GALNT13: variants seen among roughly 807,000 people sequenced by gnomAD.
The protein encoded by GALNT13 is UDP-GalNAc:polypeptide N-acetylgalactosaminyltransferase 13.
A neutral mutation model predicts 64.2 loss-of-function variants in GALNT13; 28 were observed. The observed-to-expected ratio is 0.44, with a 90% CI of 0.32 to 0.60. The LOEUF is 0.60. GALNT13 is among the 20% of genes least tolerant of loss of function. The pLI is 0.05. For missense variants in GALNT13, 577 were observed against 669.8 expected (o/e 0.86, Z 1.53); for synonymous variants, 214 against 224.6 (o/e 0.95, Z 0.42).
rs549084587 is a variant in GALNT13, at chr2:154,295,686, C to G, written c.976-5723C>G. Among the ~76,000 whole-genome samples, 6 of 152,172 alleles carry G rather than the reference C, an allele frequency of 3.9e-5. No homozygotes were observed. In the East Asian group the frequency reaches 1.2e-3, roughly 30 times the overall value. On this transcript the variant is annotated intron_variant, in intron 8 of 12. Transcript: ENST00000392825. ...CCATGCCCAGCCATTAGAGAAAGCT[C>G]TAATGTCCACTGTAAAGCCTTGATT...
chr2:153,293,236 C>G, the GALNT13 span, among the ~76,000 whole-genome samples: 1 of 152,082 alleles, frequency 6.6e-6, no homozygotes, highest in Non-Finnish European at 1.5e-5. Flanking sequence ...CTTCATATGG[C>G]AAAGTGCACT....
the GALNT13 span, among the ~76,000 whole-genome samples, chr2:153,542,358 A>C: frequency 1.4e-5 from 1 of 70,670 alleles, no homozygotes; most frequent in South Asian, 7.2e-4. Flanking sequence ...ACACACACAC[A>C]CAAAAAAAAA....
At chr2:153,904,873 T>C (rs540490318) in intron 2 of GALNT13, among the ~76,000 whole-genome samples, 3 of 152,006 alleles carry the variant, frequency 2.0e-5, no homozygotes, top group East Asian at 3.9e-4. Context: ...AAGTTCTAGA[T>C]ATCCAGTTGT....
At chr2:154,339,561 A>G (rs1051157786) in intron 9 of GALNT13, among the ~76,000 whole-genome samples, 5 of 152,138 alleles carry the variant, frequency 3.3e-5, no homozygotes, top group Non-Finnish European at 7.4e-5. Flanking sequence ...TTATAGAGAC[A>G]TGTTTGATTG....
chr2:153,647,770 A>G, the GALNT13 span, among the ~76,000 whole-genome samples: 6 of 152,060 alleles, frequency 3.9e-5, no homozygotes, highest in Non-Finnish European at 8.8e-5. Context: ...AAGATCAGAT[A>G]GTTGTAGATG....
chr2:153,917,493 G>A (rs1689448881), intron 2 of GALNT13, among the ~76,000 whole-genome samples: 1 of 151,598 alleles, frequency 6.6e-6, no homozygotes, highest in Non-Finnish European at 1.5e-5. Context: ...TATTTTGAGG[G>A]GTAATTCAAA....
At chr2:153,464,697 T>C in the GALNT13 span, among the ~76,000 whole-genome samples, 1 of 152,058 alleles carries the variant, frequency 6.6e-6, no homozygotes, top group Admixed American at 6.6e-5. Flanking sequence ...GTTGTAAAAT[T>C]AGGTCAGAAC....
At chr2:153,258,858 G>T in the GALNT13 span, among the ~76,000 whole-genome samples, 1 of 152,052 alleles carries the variant, frequency 6.6e-6, no homozygotes, top group South Asian at 2.1e-4. Flanking sequence ...GACTTGTTTT[G>T]TTGCCTAACA....
At chr2:153,567,897 C>T in the GALNT13 span, among the ~76,000 whole-genome samples, 8 of 152,284 alleles carry the variant, frequency 5.3e-5, no homozygotes, top group African/African-American at 7.2e-5. Flanking sequence ...TATTTGATTC[C>T]GAAATCTGTG....
the GALNT13 span, among the ~76,000 whole-genome samples, chr2:153,690,721 T>C: frequency 6.6e-6 from 1 of 152,118 alleles, no homozygotes; most frequent in Non-Finnish European, 1.5e-5. Flanking sequence ...AAAATACAGA[T>C]ACAAATCTCT....
chr2:153,938,781 CATATT>C lies in GALNT13; in HGVS notation c.-104-5611_-104-5607del, dbSNP rs1442384149. Among the ~76,000 whole-genome samples, 6 of 152,126 alleles carry C rather than the reference CATATT, an allele frequency of 3.9e-5. No homozygotes were observed. The East Asian group carries it at 7.7e-4, about 20-fold the overall frequency. ...CCTAATCTCCTTGAAGGGTACCAGT[CATATT>C]AGATTAGGGTCCACCCATCACACTT... On this transcript the variant is annotated intron_variant, in intron 2 of 12. Transcript: ENST00000392825.
the GALNT13 span, among the ~76,000 whole-genome samples, chr2:153,771,454 A>T: frequency 6.6e-6 from 1 of 152,174 alleles, no homozygotes; most frequent in East Asian, 1.9e-4. Flanking sequence ...AGGTAGGTAC[A>T]CCAAAAACCT....
chr2:153,948,842 T>G (rs1303891799), intron 3 of GALNT13, among the ~76,000 whole-genome samples: 1 of 151,738 alleles, frequency 6.6e-6, no homozygotes, highest in Non-Finnish European at 1.5e-5. Context: ...CAAAACACTC[T>G]AAGGTGGAGG....
chr2:153,656,000 C>A, the GALNT13 span, among the ~76,000 whole-genome samples: 1 of 152,080 alleles, frequency 6.6e-6, no homozygotes, highest in African/African-American at 2.4e-5. Context: ...ATTTCACTTA[C>A]TCTTTATCAT....
the GALNT13 span, among the ~76,000 whole-genome samples, chr2:153,171,556 A>G: frequency 6.6e-6 from 1 of 152,190 alleles, no homozygotes; most frequent in Non-Finnish European, 1.5e-5. Context: ...AATGAAATAT[A>G]TTATACTTCA....
the GALNT13 span, among the ~76,000 whole-genome samples, chr2:153,577,078 C>T: frequency 2.6e-5 from 4 of 152,018 alleles, no homozygotes; most frequent in East Asian, 7.7e-4. Context: ...CAAGATATTT[C>T]CCTGCTCCTC....
chr2:153,960,157 C>T (rs372350110), intron 3 of GALNT13, among the ~76,000 whole-genome samples: 95 of 152,332 alleles, frequency 6.2e-4, no homozygotes, highest in African/African-American at 2.0e-3. Flanking sequence ...GCTGCCTCTC[C>T]GATCCTCAGT....
chr2:153,913,584 A>G (rs1689130328), intron 2 of GALNT13, among the ~76,000 whole-genome samples: 1 of 152,108 alleles, frequency 6.6e-6, no homozygotes, highest in Non-Finnish European at 1.5e-5. Context: ...CACTTTTCTA[A>G]GTTACTCTTT....
chr2:154,151,816 A>T lies in GALNT13; in HGVS notation c.311+11311A>T, dbSNP rs555721907. ...TCCTCCATCCTTTTATTTTGAGCCT[A>T]TGTGTGTGTCTGCATGTGAGATGGG... On this transcript the variant is annotated intron_variant, in intron 4 of 12. Transcript: ENST00000392825. Among the ~76,000 whole-genome samples the T allele has an allele frequency of 1.4e-4, 22 of 152,132 alleles. No individual in the cohort carries two copies. In the East Asian group the frequency reaches 4.3e-3, roughly 30 times the overall value.
Sources: gnomAD v4.1 joint callset for allele counts (sites outside exome capture counted in the v4.1 genomes callset) on GRCh38, gnomAD v4.1.1 for gene constraint, MANE v1.5 for transcripts, NCBI Gene and HGNC (gene_info 2026-07-23, HGNC 2026-07-21) for gene names.